Variants in CLNK observed in about 807,000 individuals in gnomAD.
CLNK encodes cytokine-dependent hematopoietic cell linker.
A neutral mutation model predicts 68.6 loss-of-function variants in CLNK; 74 were observed. That is an observed-to-expected ratio of 1.08 (90% CI 0.89 to 1.31). CLNK has a LOEUF of 1.31. CLNK is among the 50% of genes most tolerant of loss of function. The probability of loss-of-function intolerance (pLI) is 0.00; values close to 1 mark genes in which losing one functional copy is unlikely to be tolerated. For missense variants in CLNK, 553 were observed against 515.3 expected (o/e 1.07, Z -0.71); for synonymous variants, 198 against 172.2 (o/e 1.15, Z -1.17).
At chr4:10,687,520 G>A (rs57436626), upstream of CLNK, among the ~76,000 whole-genome samples, 36,434 of 151,978 alleles carry the variant, frequency 0.24, 4,474 homozygotes, top group African/African-American at 0.27. Context: ...AAAGAAGCAG[G>A]AAAGGGAAGA....
At chr4:10,689,380 C>T (rs1725383530), upstream of CLNK, among the ~76,000 whole-genome samples, 1 of 152,120 alleles carries the variant, frequency 6.6e-6, no homozygotes, top group Non-Finnish European at 1.5e-5. Context: ...AGCAATCCTC[C>T]CATTTAGGCC....
At chr4:10,556,701 T>G (rs1330365310) in intron 8 of CLNK, among the ~76,000 whole-genome samples, 1 of 152,146 alleles carries the variant, frequency 6.6e-6, no homozygotes, top group African/African-American at 2.4e-5. Context: ...CCTCAATGCT[T>G]CCCAACCCTT....
chr4:10,706,278 C>T, the CLNK span, among the ~76,000 whole-genome samples: 4 of 152,286 alleles, frequency 2.6e-5, no homozygotes, highest in South Asian at 2.1e-4. Context: ...CTAAACCTCC[C>T]GTGTCCTTCC....
chr4:10,614,183 T>C (rs1722139257), intron 2 of CLNK, among the ~76,000 whole-genome samples: 1 of 152,200 alleles, frequency 6.6e-6, no homozygotes, highest in African/African-American at 2.4e-5. Context: ...GATGTCTGGG[T>C]GAGATGTCTG....
intron 15 of CLNK, among the ~76,000 whole-genome samples, chr4:10,519,988 C>A (rs1292700179): frequency 6.6e-6 from 1 of 151,404 alleles, no homozygotes; most frequent in Non-Finnish European, 1.5e-5. Context: ...CAGTGGAGAA[C>A]CTCATCCTCT....
At chr4:10,700,528 G>C in the CLNK span, among the ~76,000 whole-genome samples, 4 of 152,178 alleles carry the variant, frequency 2.6e-5, no homozygotes, top group Non-Finnish European at 5.9e-5. Context: ...AACCCAACTT[G>C]TGATGTAGGT....
At chr4:10,725,017 A>G in the CLNK span, among the ~76,000 whole-genome samples, 1 of 152,142 alleles carries the variant, frequency 6.6e-6, no homozygotes, top group African/African-American at 2.4e-5. Flanking sequence ...AGAAGGGGTG[A>G]GGAGGAGAGG....
intron 2 of CLNK, among the ~76,000 whole-genome samples, chr4:10,615,161 T>C (rs765048430): frequency 4.0e-5 from 6 of 151,330 alleles, no homozygotes; most frequent in Non-Finnish European, 7.4e-5. Context: ...CACTCCAGCC[T>C]GAGCAACAGG....
Position 10,513,585 on chromosome 4 carries a change from C to A in CLNK, c.785G>T (p.Gly262Val). The change falls in exon 16 of 19, where the codon GGC becomes GTC. Residue 262 changes from glycine (G) to valine (V), a missense_variant. Transcript: ENST00000226951. ...HSVQNRDHRG[G>V]MQPCSPQRCQ... ...TCTCTGAGGAGAACAGGGCTGCATG[C>A]CTCCTCTATGATCTGGAAAGGTTAA... is the stretch of plus-strand genomic sequence containing the variant. The A allele has an allele frequency of 1.2e-6, 2 of 1,600,484 alleles. No individual in the cohort carries two copies. The highest frequency in any genetic ancestry group is 1.7e-6 in the Non-Finnish European group (2 of 1,173,468).
chr4:10,507,922 T>C (rs746136191), intron 17 of CLNK, 37 bp downstream of exon 17: 9 of 1,496,420 alleles, frequency 6.0e-6, no homozygotes, highest in African/African-American at 1.4e-5. Flanking sequence ...AAGATGCCTA[T>C]AGAAACAATA....
At position 10,545,763 on chromosome 4, in the gene CLNK, G is replaced by A. The variant is rs56169766; in HGVS notation, c.446-3483C>T. On this transcript the variant is annotated intron_variant, in intron 8 of 18. Coordinates refer to ENST00000226951, the MANE Select transcript of CLNK (RefSeq NM_052964.4). ...GGTCCTCAGGCCTTTGACGTCTTTT[G>A]AAATCTGGTTGGAGGTTGCTGAGCC... Among the ~76,000 whole-genome samples, 708 of 152,264 alleles carry A rather than the reference G, an allele frequency of 4.6e-3. 4 individuals carry two copies. Among genetic ancestry groups the A allele is most frequent in the African/African-American group, 0.017 (692 of 41,548 alleles).
chr4:10,615,553 G>GA (rs1196218275), intron 2 of CLNK, among the ~76,000 whole-genome samples: 8 of 151,278 alleles, frequency 5.3e-5, no homozygotes, highest in Admixed American at 1.3e-4. Context: ...CACCAAGAAA[G>GA]AAAAAAAATG....
intron 2 of CLNK, among the ~76,000 whole-genome samples, chr4:10,608,680 A>G (rs765453068): frequency 1.3e-5 from 2 of 152,320 alleles, no homozygotes; most frequent in Non-Finnish European, 2.9e-5. Context: ...GAAAACCCTC[A>G]TGTTATTCTG....
At chr4:10,676,574 G>A (rs1724884241) in intron 1 of CLNK, among the ~76,000 whole-genome samples, 1 of 151,930 alleles carries the variant, frequency 6.6e-6, no homozygotes, top group East Asian at 1.9e-4. Flanking sequence ...CACTCTTAAT[G>A]AACTGATGCA....
chr4:10,535,477 G>T (rs907456678), intron 11 of CLNK, among the ~76,000 whole-genome samples: 1 of 152,184 alleles, frequency 6.6e-6, no homozygotes, highest in Non-Finnish European at 1.5e-5. Context: ...GTGACTAAAT[G>T]AATTAATACA....
intron 2 of CLNK, among the ~76,000 whole-genome samples, chr4:10,616,993 C>T (rs1722262152): frequency 6.6e-6 from 1 of 151,916 alleles, no homozygotes; most frequent in Non-Finnish European, 1.5e-5. Context: ...AAACTCTGGG[C>T]TTCTGGCCTG....
intron 2 of CLNK, among the ~76,000 whole-genome samples, chr4:10,654,313 G>GA (rs1286748262): frequency 3.5e-5 from 5 of 143,706 alleles, no homozygotes; most frequent in African/African-American, 5.1e-5. Context: ...AAAGCAGAAG[G>GA]AAAAATATAT....
At chr4:10,498,079 C>T (rs1308834051) in intron 18 of CLNK, among the ~76,000 whole-genome samples, 1 of 152,194 alleles carries the variant, frequency 6.6e-6, no homozygotes, top group Non-Finnish European at 1.5e-5. Flanking sequence ...CCTGTAATCC[C>T]AGCTACTCGG....
intron 1 of CLNK, among the ~76,000 whole-genome samples, chr4:10,677,864 C>T (rs932486449): frequency 1.9e-5 from 2 of 103,154 alleles, no homozygotes; most frequent in Admixed American, 1.0e-4. Context: ...ATAATAATAC[C>T]ATTTACTGCT....
Sources: gnomAD v4.1 joint callset for allele counts (sites outside exome capture counted in the v4.1 genomes callset) on GRCh38, gnomAD v4.1.1 for gene constraint, MANE v1.5 for transcripts, NCBI Gene and HGNC (gene_info 2026-07-23, HGNC 2026-07-21) for gene names.